Variants in DGKI observed in about 807,000 individuals in gnomAD.
DGKI encodes the protein DAG kinase iota.
A neutral mutation model predicts 147.5 loss-of-function variants in DGKI; 55 were observed. The observed-to-expected ratio is 0.37, with a 90% confidence interval of 0.30 to 0.47. The LOEUF (loss-of-function observed/expected upper bound fraction) is 0.47, where lower values mean the gene tolerates loss of function less well. Among genes scored for constraint, DGKI ranks in the 20% least tolerant of loss-of-function variants. DGKI has a pLI of 1.00. For synonymous variants in DGKI, 469 were observed against 477.1 expected (o/e 0.98, Z 0.22); for missense variants, 1,007 against 1,323.8 (o/e 0.76, Z 3.71).
chr7:137,765,722 T>C (rs1229618810), intron 1 of DGKI, among the ~76,000 whole-genome samples: 1 of 152,174 alleles, frequency 6.6e-6, no homozygotes, highest in Non-Finnish European at 1.5e-5. Context: ...CGTCGTTTAC[T>C]AAACAATTCA....
Position 137,609,613 on chromosome 7 carries a change from T to C in DGKI, c.994-4A>G, listed in dbSNP as rs754409145. The C allele has an allele frequency of 8.7e-6, 14 of 1,611,578 alleles. No homozygotes were observed. In the East Asian group the frequency reaches 1.8e-4, roughly 21 times the overall value. ...GATTTGAAGCCTTCAGGGAGTTCTG[T>C]AGGGAGAGAGAGAAATGCCTGAGCT... On this transcript the variant is annotated splice_polypyrimidine_tract_variant and splice_region_variant and intron_variant, in intron 8 of 32. Coordinates refer to ENST00000614521, the MANE Select transcript of DGKI (RefSeq NM_001321708.2).
rs144775449 is a variant in DGKI at position 137,467,662 on chromosome 7, T to C, written c.2444-720A>G. Among the ~76,000 whole-genome samples, 825 of 152,262 alleles carry C rather than the reference T, an allele frequency of 5.4e-3. 4 individuals carry two copies. Among genetic ancestry groups the C allele is most frequent in the Admixed American group, 0.012 (190 of 15,282 alleles). On this transcript the variant is annotated intron_variant, in intron 24 of 32. Transcript: ENST00000614521. ...CTACATCTATGGTATGCGAAAAAAA[T>C]CTAAATTACAAATTTTGGGTTTCTA...
intron 29 of DGKI, among the ~76,000 whole-genome samples, chr7:137,408,963 C>T (rs1436814416): frequency 6.6e-6 from 1 of 152,144 alleles, no homozygotes; most frequent in Admixed American, 6.5e-5. Flanking sequence ...AGATGGCACA[C>T]ATTATAGATA....
chr7:137,536,995 T>A (rs930501699), intron 20 of DGKI, among the ~76,000 whole-genome samples: 1 of 152,194 alleles, frequency 6.6e-6, no homozygotes, highest in Non-Finnish European at 1.5e-5. Context: ...TGGCATGAGC[T>A]GAAGTCCAAG....
Position 137,381,312 on chromosome 7 carries a change from C to G in DGKI, c.*9908G>C, listed in dbSNP as rs1291548740. The G allele has an allele frequency of 3.2e-5, 4 of 126,790 alleles. No individual in the cohort carries two copies. The highest frequency in any genetic ancestry group is 1.2e-4 in the African/African-American group (4 of 34,604). 7.9% of individuals were successfully genotyped at this position (126,790 alleles called of 1,614,324 possible). On this transcript the variant is annotated 3_prime_UTR_variant, in exon 33 of 33. Transcript: ENST00000614521. ...CACCCCCCCCCCCCCACCCACCCTC[C>G]CTCCACTTCGTATTATCTGAATCCT...
At chr7:137,411,273 C>T (rs1180426754) in intron 29 of DGKI, among the ~76,000 whole-genome samples, 1 of 151,992 alleles carries the variant, frequency 6.6e-6, no homozygotes, top group Non-Finnish European at 1.5e-5. Flanking sequence ...AGTCATCAGC[C>T]TGATGCCTGA....
intron 1 of DGKI, among the ~76,000 whole-genome samples, chr7:137,762,118 G>A (rs534668561): frequency 7.9e-5 from 12 of 152,204 alleles, no homozygotes; most frequent in East Asian, 1.9e-4. Context: ...AAATCATTCC[G>A]TATACGGTAG....
intron 21 of DGKI, among the ~76,000 whole-genome samples, chr7:137,512,043 A>T (rs1816597583): frequency 6.6e-6 from 1 of 152,138 alleles, no homozygotes; most frequent in Admixed American, 6.5e-5. Flanking sequence ...CCGTCTTGGG[A>T]AATCCTCAAT....
At chr7:137,517,445 G>A (rs904663932) in intron 21 of DGKI, among the ~76,000 whole-genome samples, 1 of 151,866 alleles carries the variant, frequency 6.6e-6, no homozygotes, top group Admixed American at 6.6e-5. Flanking sequence ...AAGAAAGAAC[G>A]CTGAGAAACG....
At chr7:137,673,384 GTTGT>G (rs1437593715) in intron 3 of DGKI, among the ~76,000 whole-genome samples, 2 of 152,106 alleles carry the variant, frequency 1.3e-5, no homozygotes, top group African/African-American at 2.4e-5. Flanking sequence ...TGTAGATCTG[GTTGT>G]TTGTTTTTGA....
intron 14 of DGKI, among the ~76,000 whole-genome samples, chr7:137,582,434 C>CTCTCTCTATATA (rs954743154): frequency 1.3e-5 from 2 of 148,448 alleles, no homozygotes; most frequent in African/African-American, 5.0e-5. Flanking sequence ...CTCTCTCTCT[C>CTCTCTCTATATA]TATATATATA....
chr7:137,737,204 C>CAAA (rs763572711), intron 1 of DGKI, among the ~76,000 whole-genome samples: 60 of 83,400 alleles, frequency 7.2e-4, no homozygotes, highest in African/African-American at 1.7e-3. Flanking sequence ...CTCATTTCAC[C>CAAA]AAAAAAAAAA....
At chr7:137,490,302 G>C (rs1815717533) in intron 21 of DGKI, among the ~76,000 whole-genome samples, 1 of 152,140 alleles carries the variant, frequency 6.6e-6, no homozygotes, top group Non-Finnish European at 1.5e-5. Context: ...CTGAGCCTTG[G>C]TTTAAAGACT....
intron 1 of DGKI, among the ~76,000 whole-genome samples, chr7:137,837,974 G>A (rs1449206622): frequency 1.3e-5 from 2 of 151,858 alleles, no homozygotes; most frequent in Non-Finnish European, 2.9e-5. Flanking sequence ...GCATTGAGAG[G>A]GGGCCAATTT....
chr7:137,540,766 A>C (rs1817668427), intron 20 of DGKI, among the ~76,000 whole-genome samples: 2 of 96,112 alleles, frequency 2.1e-5, no homozygotes, highest in African/African-American at 1.0e-4. Context: ...CCCCCCCAAA[A>C]AAAAAAAAAA....
In DGKI at chr7:137,747,474, G is replaced by GTAAC. The variant is rs138707967; in HGVS notation, c.402-57476_402-57473dup. ...TAGGGCATAATCCGTAAATGACTTT[G>GTAAC]TAACTTTACCTCATCCTCTCCATTT... On this transcript the variant is annotated intron_variant, in intron 1 of 32. Transcript: ENST00000614521. Among the ~76,000 whole-genome samples the GTAAC allele has an allele frequency of 5.1e-3, 780 of 152,266 alleles. 8 individuals carry two copies. Among genetic ancestry groups the GTAAC allele is most frequent in the African/African-American group, 0.018 (752 of 41,554 alleles).
intron 23 of DGKI, among the ~76,000 whole-genome samples, chr7:137,475,720 T>C (rs35080869): frequency 0.25 from 37,971 of 152,148 alleles, 8,460 homozygotes; most frequent in African/African-American, 0.6. Context: ...CTAGGTGCTC[T>C]GCATGCTTCT....
chr7:137,715,415 C>T (rs770993001), intron 1 of DGKI, among the ~76,000 whole-genome samples: 52 of 152,190 alleles, frequency 3.4e-4, no homozygotes, highest in Non-Finnish European at 4.6e-4. Flanking sequence ...TTGAGAAATG[C>T]TGGCCAAAAC....
intron 1 of DGKI, among the ~76,000 whole-genome samples, chr7:137,842,242 C>T (rs891058854): frequency 6.6e-6 from 1 of 152,270 alleles, no homozygotes; most frequent in East Asian, 1.9e-4. Flanking sequence ...CAAGGAAGAC[C>T]AATATCCATT....
Sources: gnomAD v4.1 joint callset for allele counts (sites outside exome capture counted in the v4.1 genomes callset) on GRCh38, gnomAD v4.1.1 for gene constraint, MANE v1.5 for transcripts, NCBI Gene and HGNC (gene_info 2026-07-23, HGNC 2026-07-21) for gene names.